Variants in IGHMBP2 observed in about 807,000 individuals in gnomAD.
The protein encoded by IGHMBP2 is immunoglobulin mu DNA binding protein 2.
In IGHMBP2, 81 loss-of-function variants were observed where a neutral mutation model predicts 96.0. The ratio of observed to expected loss-of-function variants is 0.84; its 90% confidence interval spans 0.71 to 1.01. IGHMBP2 has a LOEUF of 1.01. Among genes scored for constraint, IGHMBP2 ranks in the 50% least tolerant of loss-of-function variants. The pLI is 0.00. For synonymous variants in IGHMBP2, 557 were observed against 548.9 expected (o/e 1.01, Z -0.21); for missense variants, 1,227 against 1,306.3 (o/e 0.94, Z 0.94).
intron 11 of IGHMBP2, 56 bp from the exon 12 acceptor site, chr11:68,935,243 G>A: frequency 6.2e-7 from 1 of 1,608,862 alleles, no homozygotes; most frequent in Admixed American, 1.7e-5. Context: ...GAAGGGCAGG[G>A]TCTTGCTGCG....
chr11:68,910,614 T>TG (rs1483928056), intron 4 of IGHMBP2, among the ~76,000 whole-genome samples: 1 of 152,220 alleles, frequency 6.6e-6, no homozygotes, highest in Non-Finnish European at 1.5e-5. Context: ...CCAGGCGCGG[T>TG]GGCTCACACC....
chr11:68,939,475 C>T, intron 14 of IGHMBP2, 59 bp from the exon 15 acceptor site: 2 of 1,580,968 alleles, frequency 1.3e-6, no homozygotes, highest in Non-Finnish European at 1.7e-6. Flanking sequence ...ATAGGCAGAG[C>T]TGCAGGATCT....
At chr11:68,933,257 G>C in intron 8 of IGHMBP2, 42 bp from the exon 9 acceptor site, 1 of 1,581,198 alleles carries the variant, frequency 6.3e-7, no homozygotes, top group Non-Finnish European at 8.6e-7. Context: ...CTGGACTCTG[G>C]GGCTCAGGCC....
rs508049 is a variant in IGHMBP2, at chr11:68,908,029, C to T, written c.257-116C>T. ...TTTTTTTTTTAACTGTTACTGATTG[C>T]ATTTACTAAAGAAAGTAACAAAGAT... On this transcript the variant is annotated intron_variant, in intron 2 of 14. Coordinates refer to ENST00000255078, the MANE Select transcript of IGHMBP2 (RefSeq NM_002180.3). 43,357 of 914,362 alleles carry T rather than the reference C, an allele frequency of 0.047. 1,328 individuals carry two copies. The highest frequency in any genetic ancestry group is 0.064 in the Middle Eastern group (195 of 3,034). 56.6% of individuals were successfully genotyped at this position (914,362 alleles called of 1,614,324 possible).
At position 68,917,847 on chromosome 11, in the gene IGHMBP2, C is replaced by T. The variant is rs531122798; in HGVS notation, c.1024C>T (p.Leu342Phe). 2.5e-6 allele frequency: 4 copies of T among 1,614,118 alleles called. No homozygotes were observed. In the East Asian group the frequency reaches 6.7e-5, roughly 27 times the overall value. ...EREEAAMLES[L>F]TSANVVLATN... ...GGAAGAAGCAGCTATGCTCGAGAGC[C>T]TCACTTCGGCAAACGTGGTCCTTGC... is the stretch of plus-strand genomic sequence containing the variant. Residue 342 changes from leucine (L) to phenylalanine (F), a missense_variant, in exon 7 of 15, where the codon CTC becomes TTC. Transcript: ENST00000255078.
intron 6 of IGHMBP2, among the ~76,000 whole-genome samples, chr11:68,916,710 G>A (rs1412772457): frequency 6.6e-6 from 1 of 152,148 alleles, no homozygotes; most frequent in Non-Finnish European, 1.5e-5. Context: ...GAGGCTGCTT[G>A]CGTGGCTGCT....
intron 7 of IGHMBP2, among the ~76,000 whole-genome samples, chr11:68,922,213 G>A (rs1006412347): frequency 9.2e-5 from 14 of 152,102 alleles, no homozygotes; most frequent in Middle Eastern, 6.8e-3. Context: ...AGATGCTCAG[G>A]AGGCTGAGGC....
Position 68,914,701 on chromosome 11 carries a change from T to G in IGHMBP2, c.712-122T>G, listed in dbSNP as rs550494240. The G allele has an allele frequency of 4.5e-5, 45 of 1,005,192 alleles. No individual in the cohort carries two copies. The Middle Eastern group carries it at 8.4e-4, about 19-fold the overall frequency. The allele number at this position is 1,005,192 out of a possible 1,614,324, so 62.3% of individuals were successfully genotyped here. A position where few individuals can be genotyped will look rare whatever the true frequency, so the allele number is the denominator to read the frequency against. ...TTGGAAAATGAATGCAAGATTTGATTGAGAGCACGTGTGTACATGCCTTGT... is the reference window on the plus strand; with the variant it reads ...TTGGAAAATGAATGCAAGATTTGATGGAGAGCACGTGTGTACATGCCTTGT... On this transcript the variant is annotated intron_variant, in intron 5 of 14. Transcript: ENST00000255078.
chr11:68,922,040 A>AT (rs1371742741), intron 7 of IGHMBP2, among the ~76,000 whole-genome samples: 9 of 151,808 alleles, frequency 5.9e-5, no homozygotes, highest in Non-Finnish European at 1.0e-4. Context: ...TGCATTTAAG[A>AT]TTTTTTCAGC....
At chr11:68,917,002 A>G (rs1331666961) in intron 6 of IGHMBP2, among the ~76,000 whole-genome samples, 35 of 30,208 alleles carry the variant, frequency 1.2e-3, no homozygotes, top group Middle Eastern at 0.024. Context: ...TTTTTTTTTT[A>G]AAGAATCTTG....
chr11:68,935,495 G>A (rs1859490189), intron 12 of IGHMBP2, 73 bp downstream of exon 12: 7 of 1,567,692 alleles, frequency 4.5e-6, no homozygotes, highest in Non-Finnish European at 6.1e-6. Context: ...CATATTGGGT[G>A]TCTGCTGGGT....
At position 68,905,909 on chromosome 11, in the gene IGHMBP2, G is replaced by A. The variant is rs653502; in HGVS notation, c.87-160G>A. Among the ~76,000 whole-genome samples, 1,508 of 152,326 alleles carry A rather than the reference G, an allele frequency of 9.9e-3. 29 individuals carry two copies. The highest frequency in any genetic ancestry group is 0.034 in the African/African-American group (1,431 of 41,558). On this transcript the variant is annotated intron_variant, in intron 1 of 14. Coordinates refer to ENST00000255078, the MANE Select transcript of IGHMBP2 (RefSeq NM_002180.3). ...TAACTGCCCTAGGGGGATGTAGGAG[G>A]AGCGGGATTGGGAGTGGAGCCAATT...
intron 6 of IGHMBP2, among the ~76,000 whole-genome samples, chr11:68,916,745 G>T (rs544163390): frequency 1.3e-5 from 2 of 152,116 alleles, no homozygotes; most frequent in African/African-American, 4.8e-5. Context: ...GGGATGGGCC[G>T]CCTGCTGGGA....
At chr11:68,933,276 C>A in intron 8 of IGHMBP2, 23 bp from the exon 9 acceptor site, 1 of 1,606,126 alleles carries the variant, frequency 6.2e-7, no homozygotes, top group South Asian at 1.1e-5. Flanking sequence ...CCTGCCTTCC[C>A]CCTTTCTCCC....
At position 68,914,991 on chromosome 11, in the gene IGHMBP2, G is replaced by A. The variant is rs771136608; in HGVS notation, c.880G>A (p.Ala294Thr). 2 of 1,614,098 alleles carry A rather than the reference G, an allele frequency of 1.2e-6. No homozygotes were observed. Among genetic ancestry groups the A allele is most frequent in the Non-Finnish European group, 1.7e-6 (2 of 1,180,016 alleles). Residue 294 changes from alanine to threonine, a missense_variant, in exon 6 of 15, where the codon GCA becomes ACA. Physicochemically the swap from Ala to Thr is moderately conservative, Grantham distance 58 (BLOSUM62 0). Around this residue, in one of 3 missense-constraint regions of IGHMBP2, gnomAD observed 507 missense variants for 496.9 expected, o/e 1.02. Transcript: ENST00000255078. ...LARSDSAQIVADIRKDIDQVF... is the reference protein window; with the variant it reads ...LARSDSAQIVTDIRKDIDQVF... ...GCGGAGCGACAGTGCCCAGATTGTT[G>A]CAGATATCAGGAAGGACATCGACCA...
chr11:68,925,599 ACT>A (rs2154008013), intron 7 of IGHMBP2, among the ~76,000 whole-genome samples: 1 of 151,916 alleles, frequency 6.6e-6, no homozygotes, highest in African/African-American at 2.4e-5. Context: ...GATTTGAGTT[ACT>A]CTCTCCAAAG....
In IGHMBP2 at chr11:68,906,643, T is replaced by TC. The variant is rs1273214854; in HGVS notation, c.256+405_256+406insC. 1.1e-3 allele frequency among the ~76,000 whole-genome samples: 161 copies of TC among 143,094 alleles called. 1 individual carries two copies. The highest frequency in any genetic ancestry group is 2.0e-3 in the Admixed American group (29 of 14,410). 93.9% of individuals were successfully genotyped at this position (143,094 alleles called of 152,430 possible). On this transcript the variant is annotated intron_variant, in intron 2 of 14. Transcript: ENST00000255078. ...AAATAATTTACCCATTTCTTTTCTT[T>TC]TTTTTTTTTTTTTTTTGAGACAGAG...
chr11:68,916,104 G>T (rs1275691141), intron 6 of IGHMBP2, among the ~76,000 whole-genome samples: 1 of 151,566 alleles, frequency 6.6e-6, no homozygotes, highest in Non-Finnish European at 1.5e-5. Context: ...AACCTGGGAG[G>T]TGGAGGTTGC....
chr11:68,928,067 T>C (rs1003921008), intron 7 of IGHMBP2, among the ~76,000 whole-genome samples: 18 of 152,238 alleles, frequency 1.2e-4, no homozygotes, highest in African/African-American at 3.9e-4. Flanking sequence ...CATTTGCCGA[T>C]GTCTTGTTGC....
Sources: gnomAD v4.1 joint callset for allele counts (sites outside exome capture counted in the v4.1 genomes callset) on GRCh38, gnomAD v4.1.1 for gene constraint, gnomAD v4.1.1 regional missense constraint, MANE v1.5 for transcripts, NCBI Gene and HGNC (gene_info 2026-07-23, HGNC 2026-07-21) for gene names.